Variants in PRDM5 observed in about 807,000 individuals in gnomAD.
PRDM5 encodes PR/SET domain 5.
Under a neutral mutation model 81.2 loss-of-function variants are expected in PRDM5, and 56 were observed. The ratio of observed to expected loss-of-function variants is 0.69; its 90% CI spans 0.56 to 0.86. The LOEUF is 0.86. PRDM5 is among the 40% of genes least tolerant of loss of function. The pLI, the probability that PRDM5 is intolerant of heterozygous loss-of-function variation, is 0.00. For missense variants in PRDM5, 697 were observed against 770.1 expected (o/e 0.91, Z 1.12); for synonymous variants, 267 against 256.4 (o/e 1.04, Z -0.39).
chr4:120,919,693 T>A (rs1724652985), intron 1 of PRDM5, among the ~76,000 whole-genome samples: 1 of 152,216 alleles, frequency 6.6e-6, no homozygotes, highest in Admixed American at 6.5e-5. Context: ...AATTTTAATC[T>A]GCATAATACT....
At chr4:120,879,085 G>A (rs1029351152) in intron 2 of PRDM5, among the ~76,000 whole-genome samples, 2 of 152,076 alleles carry the variant, frequency 1.3e-5, no homozygotes, top group African/African-American at 4.8e-5. Flanking sequence ...CACAAAAACT[G>A]CCCACAAATA....
chr4:120,746,115 C>A, intron 14 of PRDM5, among the ~76,000 whole-genome samples: 1 of 96,832 alleles, frequency 1.0e-5, no homozygotes, highest in African/African-American at 5.2e-5. Context: ...ACAGAGCCCT[C>A]AGAAATAACG....
intron 9 of PRDM5, 148 bp downstream of exon 9, chr4:120,799,513 T>C (rs1751813227): frequency 7.9e-7 from 1 of 1,273,200 alleles, no homozygotes; most frequent in Admixed American, 2.9e-5. Context: ...AAGAATTAAA[T>C]AACTTGTTCA....
intron 13 of PRDM5, chr4:120,762,795 T>C (rs1745822521): frequency 6.6e-6 from 1 of 152,168 alleles, no homozygotes; most frequent in Non-Finnish European, 1.5e-5. Flanking sequence ...CTTGTTACTC[T>C]TGGAATGTTC....
At chr4:120,898,442 T>C (rs1014305812) in intron 2 of PRDM5, among the ~76,000 whole-genome samples, 1 of 152,226 alleles carries the variant, frequency 6.6e-6, no homozygotes, top group Non-Finnish European at 1.5e-5. Flanking sequence ...TACCTATTTC[T>C]GTGTCCTCAA....
intron 15 of PRDM5, among the ~76,000 whole-genome samples, chr4:120,699,121 G>A (rs1167166724): frequency 7.4e-6 from 1 of 135,558 alleles, no homozygotes; most frequent in East Asian, 2.1e-4. Context: ...TAGGGCCAAA[G>A]TCATCTTTAA....
At chr4:120,762,577 C>G (rs1410653319) in intron 13 of PRDM5, 3 of 152,164 alleles carry the variant, frequency 2.0e-5, no homozygotes, top group Non-Finnish European at 2.9e-5. Context: ...AAAGCACCAC[C>G]CAATTACTTT....
intron 3 of PRDM5, among the ~76,000 whole-genome samples, chr4:120,852,454 C>T (rs1759379254): frequency 6.6e-6 from 1 of 152,114 alleles, no homozygotes; most frequent in South Asian, 2.1e-4. Flanking sequence ...GGCTGACCTA[C>T]CCCAGAGTAA....
chr4:120,846,117 T>C (rs905739385), intron 3 of PRDM5, among the ~76,000 whole-genome samples: 1 of 152,212 alleles, frequency 6.6e-6, no homozygotes. Flanking sequence ...TTTCCTTCGA[T>C]AGAATCTACT....
At chr4:120,729,849 G>T (rs530386535) in intron 14 of PRDM5, among the ~76,000 whole-genome samples, 1 of 152,254 alleles carries the variant, frequency 6.6e-6, no homozygotes, top group South Asian at 2.1e-4. Context: ...TTCCTGCGTG[G>T]GGTGTCCCCA....
chr4:120,819,627 A>G (rs1755003156), intron 4 of PRDM5, among the ~76,000 whole-genome samples: 1 of 152,186 alleles, frequency 6.6e-6, no homozygotes, highest in Non-Finnish European at 1.5e-5. Context: ...TTTTACAAAG[A>G]TAATGAAAAC....
chr4:120,767,647 T>C (rs1208642049), intron 13 of PRDM5, among the ~76,000 whole-genome samples: 5 of 152,188 alleles, frequency 3.3e-5, no homozygotes, highest in Non-Finnish European at 5.9e-5. Context: ...TTAGTAAATA[T>C]AACTTAATCA....
In PRDM5 at chr4:120,843,685, TAAAAAAA is replaced by T. The variant is rs375029200; in HGVS notation, c.300+9726_300+9732del. 4.5e-3 allele frequency among the ~76,000 whole-genome samples: 559 copies of T among 123,538 alleles called. 1 individual carries two copies. Among genetic ancestry groups the T allele is most frequent in the African/African-American group, 0.016 (521 of 32,948 alleles). The allele number at this position is 123,538 out of a possible 152,430, so 81.0% of individuals were successfully genotyped here. On this transcript the variant is annotated intron_variant, in intron 3 of 15. Transcript: ENST00000264808. ...TGGTCAACAGAATGAGATCCGGCCTTAAAAAAAAAAAAAAAAGAAGAAGAAAAGAAAA... is the reference window on the plus strand; with the variant it reads ...TGGTCAACAGAATGAGATCCGGCCTTAAAAAAAAAGAAGAAGAAAAGAAAA...
chr4:120,862,019 C>T (rs1760662145), intron 2 of PRDM5, among the ~76,000 whole-genome samples: 2 of 152,086 alleles, frequency 1.3e-5, no homozygotes, highest in Admixed American at 6.6e-5. Context: ...CCACCCAACC[C>T]ATTTAAATCT....
chr4:120,876,591 T>C (rs2148563213), intron 2 of PRDM5, among the ~76,000 whole-genome samples: 1 of 152,246 alleles, frequency 6.6e-6, no homozygotes, highest in East Asian at 1.9e-4. Context: ...AGAAACAAGG[T>C]CTAAAAACAT....
At chr4:120,778,819 T>C (rs375646346) in intron 12 of PRDM5, among the ~76,000 whole-genome samples, 82 of 152,268 alleles carry the variant, frequency 5.4e-4, no homozygotes, top group African/African-American at 1.9e-3. Flanking sequence ...TATCTTTACA[T>C]TTCAGTAAGA....
intron 14 of PRDM5, among the ~76,000 whole-genome samples, chr4:120,721,883 G>C (rs977731040): frequency 2.0e-5 from 3 of 152,190 alleles, no homozygotes; most frequent in Admixed American, 6.5e-5. Context: ...ATCTGTAAAA[G>C]GTATAATTGC....
At chr4:120,874,628 AAAACACAT>A (rs754371729) in intron 2 of PRDM5, among the ~76,000 whole-genome samples, 1 of 152,254 alleles carries the variant, frequency 6.6e-6, no homozygotes, top group Non-Finnish European at 1.5e-5. Flanking sequence ...GCTTAGTGGT[AAAACACAT>A]AAACATGACA....
At chr4:120,725,357 A>G (rs148268713) in intron 14 of PRDM5, among the ~76,000 whole-genome samples, 99 of 150,304 alleles carry the variant, frequency 6.6e-4, no homozygotes, top group Non-Finnish European at 9.8e-4. Flanking sequence ...ATATCTGATG[A>G]TGCTACACAG....
Sources: allele counts gnomAD v4.1 joint callset (sites outside exome capture counted in the v4.1 genomes callset), GRCh38; gene constraint gnomAD v4.1.1; transcripts MANE v1.5; gene names NCBI Gene and HGNC (gene_info 2026-07-23, HGNC 2026-07-21).